Variants in RAB38 observed in about 807,000 individuals in gnomAD.
RAB38 encodes RAB38, member RAS oncogene family.
Under a neutral mutation model 18.4 loss-of-function variants are expected in RAB38, and 15 were observed. The ratio of observed to expected loss-of-function variants is 0.82; its 90% CI spans 0.55 to 1.26. The LOEUF (loss-of-function observed/expected upper bound fraction) is 1.26. Ranked by LOEUF, RAB38 falls within the 50% of genes most tolerant of loss-of-function variation. The pLI, the probability that RAB38 is intolerant of heterozygous loss-of-function variation, is 0.00. For synonymous variants in RAB38, 101 were observed against 104.4 expected (o/e 0.97, Z 0.20); for missense variants, 294 against 267.4 (o/e 1.10, Z -0.69).
At chr11:88,121,644 G>T (rs1474977739) in intron 2 of RAB38, among the ~76,000 whole-genome samples, 1 of 152,026 alleles carries the variant, frequency 6.6e-6, no homozygotes, top group African/African-American at 2.4e-5. Flanking sequence ...CTCACTGCAA[G>T]CTCCACCTCC....
the RAB38 span, among the ~76,000 whole-genome samples, chr11:87,872,064 T>C: frequency 6.6e-6 from 1 of 151,598 alleles, no homozygotes; most frequent in African/African-American, 2.4e-5. Flanking sequence ...CTTTACCAAA[T>C]TGGTTGTATG....
chr11:87,819,427 G>A, the RAB38 span, among the ~76,000 whole-genome samples: 2 of 120,378 alleles, frequency 1.7e-5, no homozygotes, highest in African/African-American at 7.5e-5. Context: ...ACGAGAAAAT[G>A]AGGAGTCAAA....
At chr11:88,169,288 A>T (rs147617204) in intron 1 of RAB38, among the ~76,000 whole-genome samples, 2 of 152,250 alleles carry the variant, frequency 1.3e-5, no homozygotes. Context: ...TACAAATAGC[A>T]TCATTTACTA....
At chr11:87,878,214 TATATATATACACAC>T in the RAB38 span, among the ~76,000 whole-genome samples, 3 of 119,456 alleles carry the variant, frequency 2.5e-5, no homozygotes, top group Admixed American at 8.6e-5. Context: ...CATATATATA[TATATATATACACAC>T]ATATATATAC....
chr11:87,949,238 C>A, the RAB38 span, among the ~76,000 whole-genome samples: 1 of 151,878 alleles, frequency 6.6e-6, no homozygotes, highest in Non-Finnish European at 1.5e-5. Context: ...TGGTGATAGC[C>A]CCTTTATCAT....
chr11:88,140,111 G>A (rs1291310008), intron 2 of RAB38, among the ~76,000 whole-genome samples: 1 of 152,184 alleles, frequency 6.6e-6, no homozygotes, highest in Admixed American at 6.5e-5. Context: ...ATGTGGCATT[G>A]CCAAGCAAAG....
chr11:88,156,313 T>G (rs1943124494), intron 1 of RAB38, among the ~76,000 whole-genome samples: 1 of 152,140 alleles, frequency 6.6e-6, no homozygotes, highest in Non-Finnish European at 1.5e-5. Context: ...GAAACCCCAT[T>G]TGGCTAACAG....
the RAB38 span, among the ~76,000 whole-genome samples, chr11:87,874,492 C>A: frequency 2.0e-5 from 3 of 151,124 alleles, no homozygotes; most frequent in African/African-American, 7.3e-5. Context: ...CACACCGGGG[C>A]CTGTTGTGGG....
the RAB38 span, among the ~76,000 whole-genome samples, chr11:87,886,835 T>TC: frequency 6.6e-6 from 1 of 151,466 alleles, no homozygotes; most frequent in Non-Finnish European, 1.5e-5. Flanking sequence ...TTTTTTTTTT[T>TC]TTTTTCTTTT....
the RAB38 span, among the ~76,000 whole-genome samples, chr11:87,805,709 G>T: frequency 2.6e-5 from 4 of 151,036 alleles, no homozygotes; most frequent in Middle Eastern, 0.01. Context: ...ATACATATAT[G>T]TGTATACACA....
downstream of RAB38, among the ~76,000 whole-genome samples, chr11:88,112,525 C>A (rs1416747289): frequency 6.6e-6 from 1 of 152,100 alleles, no homozygotes; most frequent in Non-Finnish European, 1.5e-5. Context: ...TGTAAGAGGC[C>A]AAGCTGACAG....
chr11:88,071,862 A>G, the RAB38 span, among the ~76,000 whole-genome samples: 1 of 152,218 alleles, frequency 6.6e-6, no homozygotes, highest in Non-Finnish European at 1.5e-5. Flanking sequence ...GGAGGATTTG[A>G]AAGCTCTGGT....
chr11:88,096,524 C>T, the RAB38 span, among the ~76,000 whole-genome samples: 8 of 151,972 alleles, frequency 5.3e-5, no homozygotes, highest in Middle Eastern at 3.4e-3. Flanking sequence ...TAGATGGTCA[C>T]GTAGACCAGT....
At chr11:88,168,013 G>A (rs1319513859) in intron 1 of RAB38, among the ~76,000 whole-genome samples, 1 of 152,210 alleles carries the variant, frequency 6.6e-6, no homozygotes, top group Non-Finnish European at 1.5e-5. Flanking sequence ...GGAGAGAAAG[G>A]ATTGTAAGTG....
At chr11:87,842,816 G>GCACACA in the RAB38 span, among the ~76,000 whole-genome samples, 22 of 147,234 alleles carry the variant, frequency 1.5e-4, no homozygotes, top group African/African-American at 2.0e-4. Flanking sequence ...ACACGCGCGC[G>GCACACA]CACACACACA....
chr11:87,972,151 G>A, the RAB38 span, among the ~76,000 whole-genome samples: 1 of 152,004 alleles, frequency 6.6e-6, no homozygotes, highest in Non-Finnish European at 1.5e-5. Flanking sequence ...CTTGAAAATA[G>A]TATGGCGCCA....
At chr11:88,053,900 C>T in the RAB38 span, among the ~76,000 whole-genome samples, 3 of 151,596 alleles carry the variant, frequency 2.0e-5, no homozygotes, top group Non-Finnish European at 4.4e-5. Context: ...GTCATTGCTG[C>T]TCATACAGCA....
At chr11:87,835,469 T>TATGG in the RAB38 span, among the ~76,000 whole-genome samples, 1 of 152,208 alleles carries the variant, frequency 6.6e-6, no homozygotes, top group Admixed American at 6.5e-5. Flanking sequence ...GATATTCTGT[T>TATGG]ATGGGCCAAA....
chr11:88,168,079 A>C (rs942550267), intron 1 of RAB38, among the ~76,000 whole-genome samples: 7 of 152,302 alleles, frequency 4.6e-5, no homozygotes, highest in African/African-American at 1.7e-4. Context: ...CTTTAGTATG[A>C]ACCTCAGTGA....
Sources: allele counts gnomAD v4.1 joint callset (sites outside exome capture counted in the v4.1 genomes callset), GRCh38; gene constraint gnomAD v4.1.1; transcripts MANE v1.5; gene names NCBI Gene and HGNC (gene_info 2026-07-23, HGNC 2026-07-21).